AGBL4: variants seen among roughly 807,000 people sequenced by gnomAD.
AGBL4 encodes the protein AGBL carboxypeptidase 4.
AGBL4 carries 58 observed loss-of-function variants against 66.4 expected under a neutral mutation model. The observed-to-expected ratio is 0.87, with a 90% CI of 0.71 to 1.09. The LOEUF is 1.09. AGBL4 is among the 50% of genes least tolerant of loss of function. The probability of loss-of-function intolerance (pLI) is 0.00; values close to 1 mark genes in which losing one functional copy is unlikely to be tolerated. For synonymous variants in AGBL4, 234 were observed against 222.9 expected, an observed-to-expected ratio of 1.05 and a Z score of -0.44; for missense variants, 579 against 631.0, an observed-to-expected ratio of 0.92 and a Z score of 0.88.
rs558164900 is a variant in AGBL4 at position 49,233,052 on chromosome 1, T to TA, written c.377+12717dup. Among the ~76,000 whole-genome samples the TA allele has an allele frequency of 3.3e-4, 50 of 152,318 alleles. 1 individual carries two copies. The South Asian group carries it at 9.5e-3, about 29-fold the overall frequency. On this transcript the variant is annotated intron_variant, in intron 4 of 13. Coordinates refer to ENST00000371839, the MANE Select transcript of AGBL4 (RefSeq NM_032785.4). ...TGGATAATTTATAATTTTTCCCAAT[T>TA]ACAATGTACACTGCCATGAACATCC... is the stretch of plus-strand genomic sequence containing the variant.
Position 49,158,639 on chromosome 1 carries a change from G to T in AGBL4, c.377+87131C>A, listed in dbSNP as rs866469006. 2.6e-5 allele frequency among the ~76,000 whole-genome samples: 4 copies of T among 151,986 alleles called. No individual in the cohort carries two copies. In the South Asian group the frequency reaches 8.3e-4, roughly 32 times the overall value. Reference sequence around the variant, plus strand: ...AATATCCTTGTTAATTTTCTGTCTTGTTGATCTGTCTAGTATTGACAGTGG... The same window carrying T: ...AATATCCTTGTTAATTTTCTGTCTTTTTGATCTGTCTAGTATTGACAGTGG... On this transcript the variant is annotated intron_variant, in intron 4 of 13. Coordinates refer to ENST00000371839, the MANE Select transcript of AGBL4 (RefSeq NM_032785.4).
the AGBL4 span, among the ~76,000 whole-genome samples, chr1:48,523,869 A>G: frequency 6.6e-6 from 1 of 152,254 alleles, no homozygotes; most frequent in Non-Finnish European, 1.5e-5. Context: ...TACATGGTAC[A>G]GCCTATGGCT....
At chr1:49,188,187 T>C (rs1294448851) in intron 4 of AGBL4, among the ~76,000 whole-genome samples, 1 of 152,118 alleles carries the variant, frequency 6.6e-6, no homozygotes, top group African/African-American at 2.4e-5. Context: ...GAAAACGGGC[T>C]AATACACCCA....
intron 4 of AGBL4, among the ~76,000 whole-genome samples, chr1:49,054,567 G>T (rs929870478): frequency 1.3e-5 from 2 of 151,818 alleles, no homozygotes; most frequent in Non-Finnish European, 2.9e-5. Flanking sequence ...TTGGTTTGAG[G>T]TGTCTACATA....
rs1393768594 is a variant in AGBL4, at chr1:50,014,539, T to C, written c.34+9224A>G. ...ATAACTAATGAACAGAGGATTTCTTTTTTTTTTTTTTTTTTTTTTGGAGAG... is the reference window on the plus strand; with the variant it reads ...ATAACTAATGAACAGAGGATTTCTTCTTTTTTTTTTTTTTTTTTTGGAGAG... On this transcript the variant is annotated intron_variant, in intron 1 of 13. Transcript: ENST00000371839. Among the ~76,000 whole-genome samples, 3 of 141,520 alleles carry C rather than the reference T, an allele frequency of 2.1e-5. No individual in the cohort carries two copies. The South Asian group carries it at 7.0e-4, about 33-fold the overall frequency. The allele number at this position is 141,520 out of a possible 152,430, so 92.8% of individuals were successfully genotyped here.
chr1:49,921,441 G>A (rs1464748125), intron 1 of AGBL4, among the ~76,000 whole-genome samples: 1 of 152,086 alleles, frequency 6.6e-6, no homozygotes, highest in African/African-American at 2.4e-5. Context: ...GGGTTCTCCA[G>A]AAGGACACAA....
At chr1:49,887,087 G>T (rs1332946252) in intron 1 of AGBL4, among the ~76,000 whole-genome samples, 1 of 151,300 alleles carries the variant, frequency 6.6e-6, no homozygotes, top group African/African-American at 2.4e-5. Flanking sequence ...AAGGAGTATA[G>T]GCAAGGAAGG....
At chr1:49,421,038 T>C (rs1200020538) in intron 3 of AGBL4, among the ~76,000 whole-genome samples, 1 of 152,206 alleles carries the variant, frequency 6.6e-6, no homozygotes, top group East Asian at 1.9e-4. Flanking sequence ...TAACAAATTC[T>C]AAGGAAACAT....
chr1:48,819,954 A>G (rs1011902869), intron 6 of AGBL4, among the ~76,000 whole-genome samples: 4 of 152,188 alleles, frequency 2.6e-5, no homozygotes, highest in African/African-American at 9.7e-5. Flanking sequence ...CTCTCCAATC[A>G]TAGTATTCCC....
intron 1 of AGBL4, among the ~76,000 whole-genome samples, chr1:49,977,423 G>A (rs1658659573): frequency 6.6e-6 from 1 of 152,158 alleles, no homozygotes; most frequent in South Asian, 2.1e-4. Flanking sequence ...ATCTTCTGTA[G>A]ACATAATAAA....
At chr1:48,981,591 A>T (rs1390341106) in intron 5 of AGBL4, among the ~76,000 whole-genome samples, 1 of 152,168 alleles carries the variant, frequency 6.6e-6, no homozygotes, top group Non-Finnish European at 1.5e-5. Flanking sequence ...TGCAATAATA[A>T]AAAGTGTGTG....
Position 49,087,974 on chromosome 1 carries a change from T to C in AGBL4, c.378-42174A>G, listed in dbSNP as rs146941090. On this transcript the variant is annotated intron_variant, in intron 4 of 13. Coordinates refer to ENST00000371839, the MANE Select transcript of AGBL4 (RefSeq NM_032785.4). Reference sequence around the variant, plus strand: ...AAATAAATTCTACTTAAGAGTTTTATATCCAGCCAAACTCAGCTTCATAAT... The same window carrying C: ...AAATAAATTCTACTTAAGAGTTTTACATCCAGCCAAACTCAGCTTCATAAT... 4.4e-3 allele frequency among the ~76,000 whole-genome samples: 663 copies of C among 152,344 alleles called. 4 individuals carry two copies. Among genetic ancestry groups the C allele is most frequent in the Non-Finnish European group, 7.3e-3 (498 of 68,038 alleles).
At chr1:48,748,824 G>C (rs1406616747) in intron 6 of AGBL4, among the ~76,000 whole-genome samples, 1 of 152,116 alleles carries the variant, frequency 6.6e-6, no homozygotes, top group Non-Finnish European at 1.5e-5. Flanking sequence ...GGAGTAGTGA[G>C]GCCGGGGTTC....
intron 2 of AGBL4, among the ~76,000 whole-genome samples, chr1:49,728,284 T>C (rs17105751): frequency 0.028 from 4,235 of 152,260 alleles, 172 homozygotes; most frequent in African/African-American, 0.096. Context: ...AGAAAGATAA[T>C]AGAGAGCTGT....
In AGBL4 at chr1:49,606,097, TC is replaced by T. The variant is rs139583342; in HGVS notation, c.282+91215del. On this transcript the variant is annotated intron_variant, in intron 3 of 13. Transcript: ENST00000371839. ...TCTTTGACACAAGCAGCTAAATAGT[TC>T]GCCTTCTGAATTCCAGATCTAAGAA... is the stretch of plus-strand genomic sequence containing the variant. Among the ~76,000 whole-genome samples the T allele has an allele frequency of 2.6e-3, 393 of 152,268 alleles. 5 individuals carry two copies. Among genetic ancestry groups the T allele is most frequent in the African/African-American group, 8.9e-3 (369 of 41,562 alleles).
intron 3 of AGBL4, among the ~76,000 whole-genome samples, chr1:49,603,657 C>T (rs1357846993): frequency 1.3e-5 from 2 of 152,070 alleles, no homozygotes; most frequent in Non-Finnish European, 2.9e-5. Context: ...TTTTACATGT[C>T]ATTACATTAC....
intron 5 of AGBL4, among the ~76,000 whole-genome samples, chr1:48,982,995 T>C (rs1659901326): frequency 6.6e-6 from 1 of 152,138 alleles, no homozygotes; most frequent in African/African-American, 2.4e-5. Context: ...AGTGACAGGG[T>C]AAAAACAACA....
chr1:49,053,411 G>A (rs1290055145), intron 4 of AGBL4, among the ~76,000 whole-genome samples: 1 of 152,122 alleles, frequency 6.6e-6, no homozygotes, highest in African/African-American at 2.4e-5. Context: ...TCCAAATGGT[G>A]GTGTGAGAAG....
intron 2 of AGBL4, among the ~76,000 whole-genome samples, chr1:49,743,616 T>C (rs942846451): frequency 6.6e-5 from 10 of 152,074 alleles, no homozygotes; most frequent in African/African-American, 1.9e-4. Flanking sequence ...ATGTTTATTG[T>C]GGCACTATTC....
Sources: allele counts gnomAD v4.1 joint callset (sites outside exome capture counted in the v4.1 genomes callset), GRCh38; gene constraint gnomAD v4.1.1; transcripts MANE v1.5; gene names NCBI Gene and HGNC (gene_info 2026-07-23, HGNC 2026-07-21).